The following INTS1 variants were observed in gnomAD, a reference collection of about 807,000 sequenced individuals.
The protein encoded by INTS1 is integrator complex subunit 1.
INTS1 carries 137 observed loss-of-function variants against 241.6 expected under a neutral mutation model. The observed-to-expected ratio is 0.57, with a 90% CI of 0.49 to 0.65. The LOEUF (loss-of-function observed/expected upper bound fraction) is 0.65. Among genes scored for constraint, INTS1 ranks in the 30% least tolerant of loss-of-function variants. The probability of loss-of-function intolerance (pLI) is 0.00; values close to 1 mark genes in which losing one functional copy is unlikely to be tolerated. For missense variants in INTS1, 3,073 were observed against 3,032.2 expected (o/e 1.01, Z -0.32); for synonymous variants, 1,692 against 1,337.8 (o/e 1.26, Z -5.78).
chr7:1,472,580 C>T (rs1043511221), intron 43 of INTS1, among the ~76,000 whole-genome samples, 194 bp from the exon 44 acceptor site: 21 of 152,310 alleles, frequency 1.4e-4, no homozygotes, highest in African/African-American at 4.8e-4. Context: ...TGCACCTCTG[C>T]GAGTCTCTCC....
rs2128534698 is a variant in INTS1 at position 1,478,404 on chromosome 7, C to G, written c.4592G>C (p.Gly1531Ala). 2 of 1,612,722 alleles carry G rather than the reference C, an allele frequency of 1.2e-6. No individual in the cohort carries two copies. Among genetic ancestry groups the G allele is most frequent in the East Asian group, 2.2e-5 (1 of 44,870 alleles). Residue 1531 changes from glycine to alanine, a missense_variant, in exon 33 of 48, where the codon GGG becomes GCG. Coordinates refer to ENST00000404767, the MANE Select transcript of INTS1 (RefSeq NM_001080453.3). Reference protein sequence around the residue: ...VRAVIATLRSGEQCSVEPDLI... With the variant: ...VRAVIATLRSAEQCSVEPDLI... ...GTCCGGCTCCACGCTGCACTGCTCCCCAGACCTCAGGGTGGCGATGACGGC... is the reference window on the plus strand; with the variant it reads ...GTCCGGCTCCACGCTGCACTGCTCCGCAGACCTCAGGGTGGCGATGACGGC...
intron 24 of INTS1, among the ~76,000 whole-genome samples, chr7:1,484,557 C>T (rs1562499208): frequency 6.6e-6 from 1 of 152,222 alleles, no homozygotes. Context: ...CAGAGAAGGA[C>T]AGCACCCAGG....
At chr7:1,473,006 G>A in intron 43 of INTS1, 66 bp downstream of exon 43, 1 of 1,107,744 alleles carries the variant, frequency 9.0e-7, no homozygotes, top group Non-Finnish European at 1.3e-6. Context: ...GCTGTGCGCT[G>A]GGAAAACCAG....
rs541068544 is a variant in INTS1, at chr7:1,473,563, C to T, written c.5957+3G>A. On this transcript the variant is annotated splice_donor_region_variant and intron_variant, in intron 42 of 47. Transcript: ENST00000404767. Reference sequence around the variant, plus strand: ...GGCTTCCCTGCAGCCCGTGGGCACTCACTGGAGCGGGTCGGCGTGCTTCTG... The same window carrying T: ...GGCTTCCCTGCAGCCCGTGGGCACTTACTGGAGCGGGTCGGCGTGCTTCTG... 89 of 1,586,076 alleles carry T rather than the reference C, an allele frequency of 5.6e-5. No individual in the cohort carries two copies. Among genetic ancestry groups the T allele is most frequent in the Admixed American group, 7.3e-5 (4 of 54,836 alleles).
At chr7:1,484,894 C>A (rs1281106978) in intron 24 of INTS1, among the ~76,000 whole-genome samples, 1 of 152,140 alleles carries the variant, frequency 6.6e-6, no homozygotes, top group African/African-American at 2.4e-5. Context: ...CAGCCCAGGG[C>A]ACTGCACCAC....
rs1781412542 is a variant in INTS1 at position 1,470,612 on chromosome 7, C to A, written c.6538G>T (p.Ala2180Ser). ...GCCTCCATATGCAGGATCCTCAGGG[C>A]CTCGGAGATCTGCGCGCTGGGGTCC... ...QMDPSAQISE[A>S]LRILHMEAVM The change falls in exon 48 of 48, where the codon GCC (alanine) becomes TCC (serine). Residue 2180 changes from alanine (A) to serine (S), a missense_variant. Transcript: ENST00000404767. 1 of 1,584,308 alleles carries A rather than the reference C, an allele frequency of 6.3e-7. No homozygotes were observed. The highest frequency in any genetic ancestry group is 2.3e-5 in the East Asian group (1 of 43,460).
chr7:1,489,797 G>A (rs995865551), intron 16 of INTS1, 115 bp from the exon 17 acceptor site: 37 of 694,060 alleles, frequency 5.3e-5, no homozygotes, highest in Middle Eastern at 4.0e-4. Context: ...AGCTCCTCCC[G>A]GGACTGCCCT....
At chr7:1,486,274 T>A (rs539764828) in intron 22 of INTS1, among the ~76,000 whole-genome samples, 4,693 of 151,654 alleles carry the variant, frequency 0.031, 241 homozygotes, top group African/African-American at 0.1. Context: ...TATTTATTTT[T>A]TTTTTTTTGA....
In INTS1 at chr7:1,476,326, G is replaced by A. The variant is rs996774777; in HGVS notation, c.5281C>T (p.Arg1761Trp). Residue 1761 changes from arginine (R) to tryptophan (W), a missense_variant, in exon 38 of 48, where the codon CGG becomes TGG. Transcript: ENST00000404767. Reference sequence around the variant, plus strand: ...CAGCAGCTGAGCAGCAGGGGCAGCCGGGCCTGGATGAGGCTGCAGGCGGCT... The same window carrying A: ...CAGCAGCTGAGCAGCAGGGGCAGCCAGGCCTGGATGAGGCTGCAGGCGGCT... ...DTAACSLIQA[R>W]LPLLLSCCCG... The A allele has an allele frequency of 8.8e-6, 14 of 1,586,448 alleles. No individual in the cohort carries two copies. Among genetic ancestry groups the A allele is most frequent in the Middle Eastern group, 1.7e-4 (1 of 6,026 alleles).
chr7:1,500,413 A>C, intron 3 of INTS1, 47 bp from the exon 4 acceptor site: 1 of 1,470,708 alleles, frequency 6.8e-7, no homozygotes, highest in Non-Finnish European at 9.0e-7. Flanking sequence ...GGGCAGGGTC[A>C]CCCCAAAGCC....
Position 1,499,985 on chromosome 7 carries a change from T to C in INTS1, c.583A>G (p.Asn195Asp). The change falls in exon 5 of 48, where the codon AAC (asparagine) becomes GAC (aspartate). Residue 195 changes from asparagine to aspartate, a missense_variant. Transcript: ENST00000404767. ...CSLLRRDASINFKAKGNSLVS... is the reference protein window; with the variant it reads ...CSLLRRDASIDFKAKGNSLVS... ...AGGCTGTTCCCCTTGGCCTTGAAGT[T>C]GATGGAGGCGTCCCGCCGCAGGAGG... is the stretch of plus-strand genomic sequence containing the variant. 6.2e-7 allele frequency: 1 copy of C among 1,613,428 alleles called. No homozygotes were observed.
At chr7:1,483,006 A>C (rs1269013382) in intron 26 of INTS1, 1 of 378,436 alleles carries the variant, frequency 2.6e-6, no homozygotes, top group Non-Finnish European at 4.9e-6. Flanking sequence ...GCTTGGCTGG[A>C]CCAGGTCCCA....
rs769179670 is a variant in INTS1, at chr7:1,480,851, G to C, written c.3933C>G (p.Ser1311=). The change falls in exon 29 of 48, where the codon TCC becomes TCG. Residue 1311 remains serine (S), a synonymous_variant. Transcript: ENST00000404767. ...CCCCAGTACCTCGGCGGGGCGGCAG[G>C]GAGGCTGTGAGCAAGGAGTGGAAAG... is the stretch of plus-strand genomic sequence containing the variant. ...GQTFHSLLTA[S]LPPRRDSTEA... The C allele has an allele frequency of 3.2e-6, 5 of 1,553,224 alleles. No homozygotes were observed. The highest frequency in any genetic ancestry group is 8.7e-7 in the Non-Finnish European group (1 of 1,149,256).
At chr7:1,485,678 C>A (rs943746232) in intron 22 of INTS1, among the ~76,000 whole-genome samples, 42 of 152,354 alleles carry the variant, frequency 2.8e-4, no homozygotes, top group East Asian at 3.9e-4. Flanking sequence ...CCACTCTGGA[C>A]CCTCCCGTCA....
chr7:1,476,490 A>ACCACCTCTC (rs1781725796), intron 37 of INTS1, 35 bp from the exon 38 acceptor site: 5 of 1,599,520 alleles, frequency 3.1e-6, no homozygotes, highest in East Asian at 2.2e-5. Context: ...CCGGAGCACC[A>ACCACCTCTC]CCGCCTCTCC....
At chr7:1,476,122 G>A in intron 38 of INTS1, 51 bp from the exon 39 acceptor site, 4 of 1,528,108 alleles carry the variant, frequency 2.6e-6, no homozygotes, top group Non-Finnish European at 2.6e-6. Flanking sequence ...CCAGTGACAG[G>A]GGTGGGTGGA....
intron 3 of INTS1, among the ~76,000 whole-genome samples, chr7:1,502,378 C>T (rs547116162): frequency 5.9e-5 from 9 of 152,202 alleles, no homozygotes; most frequent in East Asian, 1.9e-4. Context: ...GGCATTTCTG[C>T]GAGAACGGGA....
chr7:1,491,351 A>G (rs954973681), intron 16 of INTS1, among the ~76,000 whole-genome samples: 17 of 152,226 alleles, frequency 1.1e-4, no homozygotes, highest in African/African-American at 3.6e-4. Context: ...AGGGAAAGAC[A>G]GGCTTTCAAC....
In INTS1 at chr7:1,487,969, C is replaced by T. The variant is rs192205205; in HGVS notation, c.2319-12G>A. 2.1e-4 allele frequency: 344 copies of T among 1,612,308 alleles called. 1 individual carries two copies. In the East Asian group the frequency reaches 4.0e-3, roughly 19 times the overall value. On this transcript the variant is annotated splice_polypyrimidine_tract_variant and intron_variant, in intron 18 of 47. Coordinates refer to ENST00000404767, the MANE Select transcript of INTS1 (RefSeq NM_001080453.3). ...GGTAGGAGTAGTTGCTAGGGCCAGA[C>T]GGGGGAGCGTGTCACCCTGCCCCCC...
Sources: allele counts gnomAD v4.1 joint callset (sites outside exome capture counted in the v4.1 genomes callset), GRCh38; gene constraint gnomAD v4.1.1; transcripts MANE v1.5; gene names NCBI Gene and HGNC (gene_info 2026-07-23, HGNC 2026-07-21).